Variants in KCTD8 observed in about 807,000 individuals in gnomAD.
The protein encoded by KCTD8 is potassium channel tetramerization domain containing 8.
In KCTD8, 27 loss-of-function variants were observed where a neutral mutation model predicts 31.5. The observed-to-expected ratio is 0.86, with a 90% CI of 0.63 to 1.18. The LOEUF is 1.18. Ranked by LOEUF, KCTD8 falls within the 50% of genes most tolerant of loss-of-function variation. The pLI, the probability that KCTD8 is intolerant of heterozygous loss-of-function variation, is 0.00. For synonymous variants in KCTD8, 290 were observed against 280.0 expected (o/e 1.04, Z -0.36); for missense variants, 658 against 647.7 (o/e 1.02, Z -0.17).
intron 1 of KCTD8, among the ~76,000 whole-genome samples, chr4:44,331,987 T>TA (rs1718601826): frequency 6.6e-6 from 1 of 151,496 alleles, no homozygotes; most frequent in Admixed American, 6.6e-5. Context: ...GCACAAGTAA[T>TA]AAAAAAATTA....
intron 1 of KCTD8, among the ~76,000 whole-genome samples, chr4:44,206,493 T>C (rs1022307022): frequency 6.6e-6 from 1 of 152,172 alleles, no homozygotes; most frequent in Non-Finnish European, 1.5e-5. Context: ...TATTGCCACC[T>C]CTTTTTATGG....
At chr4:44,322,340 G>A (rs1305657864) in intron 1 of KCTD8, among the ~76,000 whole-genome samples, 1 of 151,898 alleles carries the variant, frequency 6.6e-6, no homozygotes, top group African/African-American at 2.4e-5. Context: ...CATTCCTGTG[G>A]TGATTAATGA....
intron 1 of KCTD8, among the ~76,000 whole-genome samples, chr4:44,378,070 C>G (rs901289179): frequency 4.7e-5 from 7 of 150,008 alleles, no homozygotes; most frequent in Non-Finnish European, 1.0e-4. Context: ...GTAGAAAAAC[C>G]AGAACACATA....
intron 1 of KCTD8, among the ~76,000 whole-genome samples, chr4:44,256,610 G>A (rs1716001243): frequency 6.6e-6 from 1 of 151,814 alleles, no homozygotes; most frequent in Admixed American, 6.6e-5. Context: ...TTAAATTAAG[G>A]GTCACAAGAT....
chr4:44,418,847 A>G (rs1721141998), intron 1 of KCTD8, among the ~76,000 whole-genome samples: 1 of 152,238 alleles, frequency 6.6e-6, no homozygotes. Context: ...AGCACATAAC[A>G]GTAAATGATC....
chr4:44,245,471 A>C (rs1398336345), intron 1 of KCTD8, among the ~76,000 whole-genome samples: 1 of 152,100 alleles, frequency 6.6e-6, no homozygotes, highest in African/African-American at 2.4e-5. Context: ...TGCCTGTGTT[A>C]ACATACATGT....
At chr4:44,397,304 T>C (rs893300361) in intron 1 of KCTD8, among the ~76,000 whole-genome samples, 1 of 152,150 alleles carries the variant, frequency 6.6e-6, no homozygotes, top group Non-Finnish European at 1.5e-5. Flanking sequence ...TCCTTGACTA[T>C]AAGTAGCAAA....
chr4:44,301,114 C>T (rs570214098), intron 1 of KCTD8, among the ~76,000 whole-genome samples: 6 of 152,110 alleles, frequency 3.9e-5, no homozygotes, highest in Admixed American at 1.3e-4. Flanking sequence ...TCCAGTCTAT[C>T]GTTGTTGGAC....
chr4:44,283,372 C>T (rs1036783672), intron 1 of KCTD8, among the ~76,000 whole-genome samples: 3 of 151,920 alleles, frequency 2.0e-5, no homozygotes, highest in Non-Finnish European at 2.9e-5. Context: ...GTGAATAAAA[C>T]GGTGGAAGAA....
chr4:44,267,858 C>A (rs1716438128), intron 1 of KCTD8, among the ~76,000 whole-genome samples: 2 of 152,204 alleles, frequency 1.3e-5, no homozygotes, highest in African/African-American at 4.8e-5. Context: ...AGTTGAATCT[C>A]TGAATAGACC....
chr4:44,335,190 A>G (rs927445736), intron 1 of KCTD8, among the ~76,000 whole-genome samples: 29 of 152,290 alleles, frequency 1.9e-4, no homozygotes, highest in African/African-American at 5.1e-4. Flanking sequence ...AAAGTTGATC[A>G]TCTCAATGTA....
rs561609132 is a variant in KCTD8 at position 44,348,750 on chromosome 4, A to G, written c.961+98813T>C. ...CAGCCATGTATATTCACATTTAAGA[A>G]CAAAAACACTTCAGACACATGCACA... On this transcript the variant is annotated intron_variant, in intron 1 of 1. Coordinates refer to ENST00000360029, the MANE Select transcript of KCTD8 (RefSeq NM_198353.3). Among the ~76,000 whole-genome samples, 18 of 152,214 alleles carry G rather than the reference A, an allele frequency of 1.2e-4. No homozygotes were observed. The South Asian group carries it at 3.7e-3, about 32-fold the overall frequency.
chr4:44,282,813 C>A (rs775297182), intron 1 of KCTD8, among the ~76,000 whole-genome samples: 1 of 151,954 alleles, frequency 6.6e-6, no homozygotes, highest in Non-Finnish European at 1.5e-5. Context: ...CCCTAAATCT[C>A]TTCTATTCTA....
At chr4:44,261,197 A>G (rs566271297) in intron 1 of KCTD8, among the ~76,000 whole-genome samples, 1 of 152,112 alleles carries the variant, frequency 6.6e-6, no homozygotes, top group South Asian at 2.1e-4. Flanking sequence ...AGTGTTCACT[A>G]AGTTGGGGTA....
chr4:44,373,860 T>A (rs1019457212), intron 1 of KCTD8, among the ~76,000 whole-genome samples: 1 of 152,156 alleles, frequency 6.6e-6, no homozygotes, highest in Non-Finnish European at 1.5e-5. Flanking sequence ...ATTTCAGATG[T>A]CCAGTCAATA....
At position 44,448,058 on chromosome 4, in the gene KCTD8, G is replaced by GA; in HGVS notation, c.465dup (p.Leu156SerfsTer18). The GA allele has an allele frequency of 1.1e-5, 17 of 1,612,224 alleles. No individual in the cohort carries two copies. The highest frequency in any genetic ancestry group is 1.4e-5 in the Non-Finnish European group (17 of 1,179,700). On this transcript the variant is annotated frameshift_variant, in exon 1 of 2. Coordinates refer to ENST00000360029, the MANE Select transcript of KCTD8 (RefSeq NM_198353.3). LOFTEE classifies it high-confidence loss of function. This position sits in a 1 kb window ranked among gnomAD's most constrained non-coding sequence, Gnocchi z 4.1. ...TCGCTCTGGCAGCCCTCGTCGTTGA[G>GA]AGAGTTCTGCTTGGTGACCTTGGGC...
chr4:44,180,687 G>A (rs897661539), intron 1 of KCTD8, among the ~76,000 whole-genome samples: 1 of 152,024 alleles, frequency 6.6e-6, no homozygotes, highest in Non-Finnish European at 1.5e-5. Context: ...ATCTGGGTTT[G>A]AGCCTGGTTC....
At chr4:44,429,475 G>A (rs917935510) in intron 1 of KCTD8, among the ~76,000 whole-genome samples, 1 of 151,660 alleles carries the variant, frequency 6.6e-6, no homozygotes, top group African/African-American at 2.4e-5. Flanking sequence ...ACCATTGAAG[G>A]GGCTGTTTTG....
chr4:44,266,656 G>A (rs796478873), intron 1 of KCTD8, among the ~76,000 whole-genome samples: 12 of 149,968 alleles, frequency 8.0e-5, no homozygotes, highest in Middle Eastern at 3.4e-3. Context: ...CCCATCTCAC[G>A]TGCAGAGACA....
Sources: gnomAD v4.1 joint callset for allele counts (sites outside exome capture counted in the v4.1 genomes callset) on GRCh38, gnomAD v4.1.1 for gene constraint, Gnocchi (gnomAD v3.1) non-coding constraint, MANE v1.5 for transcripts, NCBI Gene and HGNC (gene_info 2026-07-23, HGNC 2026-07-21) for gene names.